VSNL1: variants seen among roughly 807,000 people sequenced by gnomAD.
VSNL1 encodes the protein visinin-like protein 1.
VSNL1 carries 6 observed loss-of-function variants against 20.4 expected under a neutral mutation model. That is an observed-to-expected ratio of 0.29 (90% confidence interval 0.16 to 0.58). The LOEUF is 0.58. Among genes scored for constraint, VSNL1 ranks in the 20% least tolerant of loss-of-function variants. The pLI, the probability that VSNL1 is intolerant of heterozygous loss-of-function variation, is 0.90. For missense variants in VSNL1, 100 were observed against 234.5 expected, an observed-to-expected ratio of 0.43 and a Z score of 3.75; for synonymous variants, 93 against 86.4, an observed-to-expected ratio of 1.08 and a Z score of -0.42.
intron 2 of VSNL1, among the ~76,000 whole-genome samples, chr2:17,608,594 C>T (rs1320476842): frequency 6.6e-6 from 1 of 152,132 alleles, no homozygotes; most frequent in Non-Finnish European, 1.5e-5. Flanking sequence ...GTTCAGCTTT[C>T]AGGATAAGGG....
chr2:17,562,441 G>A (rs1433172771), intron 1 of VSNL1, among the ~76,000 whole-genome samples: 1 of 152,082 alleles, frequency 6.6e-6, no homozygotes, highest in African/African-American at 2.4e-5. Context: ...AAGAAACAAA[G>A]CTAATATTAA....
intron 2 of VSNL1, among the ~76,000 whole-genome samples, chr2:17,635,448 C>T (rs1265828215): frequency 6.6e-6 from 1 of 152,198 alleles, no homozygotes; most frequent in Non-Finnish European, 1.5e-5. Flanking sequence ...CTAAAATCTT[C>T]CATCCTGGCT....
intron 1 of VSNL1, among the ~76,000 whole-genome samples, chr2:17,542,032 T>C (rs1558276044): frequency 6.6e-6 from 1 of 152,208 alleles, no homozygotes; most frequent in Admixed American, 6.5e-5. Context: ...ACTAAGTACA[T>C]ACTATTTGTG....
chr2:17,653,694 T>G (rs1486848798), intron 3 of VSNL1, among the ~76,000 whole-genome samples: 1 of 152,248 alleles, frequency 6.6e-6, no homozygotes, highest in African/African-American at 2.4e-5. Context: ...CACTTTCTAG[T>G]TAGTGGTTTG....
chr2:17,614,382 A>G (rs1665166717), intron 2 of VSNL1, among the ~76,000 whole-genome samples: 1 of 152,260 alleles, frequency 6.6e-6, no homozygotes, highest in African/African-American at 2.4e-5. Context: ...CAGGCAGTGC[A>G]TCTGACAGCA....
intron 1 of VSNL1, among the ~76,000 whole-genome samples, chr2:17,559,422 A>C (rs1216672141): frequency 3.3e-5 from 5 of 151,908 alleles, no homozygotes; most frequent in Middle Eastern, 3.4e-3. Flanking sequence ...AAAAAAAACA[A>C]CAACAGCTTT....
intron 2 of VSNL1, among the ~76,000 whole-genome samples, chr2:17,592,463 A>C (rs1664612069): frequency 6.6e-6 from 1 of 152,170 alleles, no homozygotes; most frequent in African/African-American, 2.4e-5. Flanking sequence ...CAAAGCACTG[A>C]ATAGAGCTCA....
chr2:17,624,115 C>T (rs1311469535), intron 2 of VSNL1, among the ~76,000 whole-genome samples: 1 of 152,172 alleles, frequency 6.6e-6, no homozygotes, highest in East Asian at 1.9e-4. Flanking sequence ...CTAATTTCTG[C>T]AAGGAAACTT....
At chr2:17,601,212 T>G (rs1294858817) in intron 2 of VSNL1, among the ~76,000 whole-genome samples, 1 of 152,108 alleles carries the variant, frequency 6.6e-6, no homozygotes, top group Non-Finnish European at 1.5e-5. Context: ...GTCCACTCCC[T>G]CCCCCATTTT....
intron 2 of VSNL1, among the ~76,000 whole-genome samples, chr2:17,638,609 G>A (rs530565052): frequency 1.2e-4 from 18 of 152,222 alleles, no homozygotes; most frequent in Non-Finnish European, 1.6e-4. Flanking sequence ...TTAGAAAGTA[G>A]AGCGAGTTCC....
At chr2:17,583,514 C>T (rs1384875928) in intron 1 of VSNL1, among the ~76,000 whole-genome samples, 3 of 152,202 alleles carry the variant, frequency 2.0e-5, no homozygotes, top group Admixed American at 1.3e-4. Flanking sequence ...TTCTCAGAAA[C>T]ACATAGGATG....
chr2:17,543,814 T>C (rs180714033), intron 1 of VSNL1, among the ~76,000 whole-genome samples: 2 of 152,348 alleles, frequency 1.3e-5, no homozygotes, highest in East Asian at 3.9e-4. Flanking sequence ...TAACTGGCCT[T>C]CCTACCTTCC....
At chr2:17,587,710 T>G (rs977123274) in intron 1 of VSNL1, among the ~76,000 whole-genome samples, 7 of 152,172 alleles carry the variant, frequency 4.6e-5, no homozygotes, top group African/African-American at 9.7e-5. Context: ...GCGAGAGAAC[T>G]GCATGCATTC....
At chr2:17,572,488 T>A (rs1054776481) in intron 1 of VSNL1, among the ~76,000 whole-genome samples, 4 of 152,004 alleles carry the variant, frequency 2.6e-5, no homozygotes, top group African/African-American at 9.7e-5. Context: ...AGGATACTTA[T>A]GCCAAAACAA....
intron 2 of VSNL1, among the ~76,000 whole-genome samples, chr2:17,617,356 C>T (rs1163726687): frequency 6.6e-6 from 1 of 152,082 alleles, no homozygotes; most frequent in Non-Finnish European, 1.5e-5. Context: ...ATTAGCCAGG[C>T]ATGGTGGCAT....
intron 1 of VSNL1, among the ~76,000 whole-genome samples, chr2:17,572,628 G>A (rs1390802976): frequency 2.0e-5 from 3 of 152,220 alleles, no homozygotes; most frequent in Admixed American, 6.5e-5. Context: ...TCATGTAAGA[G>A]AGGTTCTATA....
chr2:17,586,933 G>C (rs1205059434), intron 1 of VSNL1, among the ~76,000 whole-genome samples: 1 of 152,168 alleles, frequency 6.6e-6, no homozygotes, highest in Non-Finnish European at 1.5e-5. Context: ...AAAGGCAATT[G>C]TTTCAGGATA....
chr2:17,650,531 T>G (rs1001609653), intron 3 of VSNL1, among the ~76,000 whole-genome samples: 3 of 152,150 alleles, frequency 2.0e-5, no homozygotes, highest in African/African-American at 7.2e-5. Flanking sequence ...TAGCATGGGT[T>G]CCCACCCCTG....
chr2:17,583,374 A>G (rs779920257), intron 1 of VSNL1, among the ~76,000 whole-genome samples: 18 of 152,244 alleles, frequency 1.2e-4, no homozygotes, highest in Non-Finnish European at 1.9e-4. Flanking sequence ...ACTTGGCAGC[A>G]CAACCTAGAA....
Sources: allele counts gnomAD v4.1 joint callset (sites outside exome capture counted in the v4.1 genomes callset), GRCh38; gene constraint gnomAD v4.1.1; transcripts MANE v1.5; gene names NCBI Gene and HGNC (gene_info 2026-07-23, HGNC 2026-07-21).